KIF5C: variants seen among roughly 807,000 people sequenced by gnomAD.
KIF5C encodes kinesin heavy chain isoform 5C.
Under a neutral mutation model 125.2 loss-of-function variants are expected in KIF5C, and 18 were observed. The ratio of observed to expected loss-of-function variants is 0.14; its 90% CI spans 0.10 to 0.21. The LOEUF (loss-of-function observed/expected upper bound fraction) is 0.21. Among genes scored for constraint, KIF5C ranks in the 10% least tolerant of loss-of-function variants. The pLI, the probability that KIF5C is intolerant of heterozygous loss-of-function variation, is 1.00. For missense variants in KIF5C, 780 were observed against 1,183.8 expected (o/e 0.66, Z 5.01); for synonymous variants, 405 against 434.0 (o/e 0.93, Z 0.83).
At chr2:148,987,686 G>A (rs1367796686) in intron 15 of KIF5C, among the ~76,000 whole-genome samples, 1 of 152,000 alleles carries the variant, frequency 6.6e-6, no homozygotes, top group Non-Finnish European at 1.5e-5. Context: ...CATTCGGGGG[G>A]TTAGGATTTT....
chr2:148,903,986 T>C (rs1402576745), intron 1 of KIF5C, among the ~76,000 whole-genome samples: 1 of 152,184 alleles, frequency 6.6e-6, no homozygotes, highest in African/African-American at 2.4e-5. Context: ...TTTGAGCCAC[T>C]CTACTGCTAC....
At chr2:148,915,946 C>A (rs923840447) in intron 1 of KIF5C, among the ~76,000 whole-genome samples, 1 of 152,182 alleles carries the variant, frequency 6.6e-6, no homozygotes, top group Non-Finnish European at 1.5e-5. Context: ...AAAGTATTGA[C>A]CCCCCAACTC....
chr2:149,010,744 T>C (rs1419405670), intron 24 of KIF5C, among the ~76,000 whole-genome samples: 1 of 152,216 alleles, frequency 6.6e-6, no homozygotes, highest in Non-Finnish European at 1.5e-5. Flanking sequence ...GGAGCCCATA[T>C]GTAGCCAGAG....
intron 15 of KIF5C, among the ~76,000 whole-genome samples, chr2:148,989,321 T>C (rs985515879): frequency 6.7e-6 from 1 of 149,918 alleles, no homozygotes; most frequent in African/African-American, 2.4e-5. Flanking sequence ...TATGGCTGGG[T>C]AGTATTCCAT....
intron 1 of KIF5C, among the ~76,000 whole-genome samples, chr2:148,915,124 TAGTGACTTC>T (rs1270479687): frequency 2.0e-5 from 3 of 151,988 alleles, no homozygotes; most frequent in Non-Finnish European, 4.4e-5. Context: ...TAGAAAGACA[TAGTGACTTC>T]AGGACTGCTA....
At chr2:148,973,585 G>A (rs2105147155) in intron 12 of KIF5C, 74 bp downstream of exon 12, 1 of 1,487,148 alleles carries the variant, frequency 6.7e-7, no homozygotes, top group Non-Finnish European at 8.9e-7. Flanking sequence ...TCCCTATGGG[G>A]CTGATGTAGG....
chr2:148,983,810 G>A (rs988984133), intron 15 of KIF5C, 44 bp downstream of exon 15: 2 of 1,541,172 alleles, frequency 1.3e-6, no homozygotes, highest in Non-Finnish European at 1.8e-6. Flanking sequence ...CTCCTGTCAA[G>A]TTAGTAGGGT....
At chr2:148,956,509 T>A (rs1682795647) in intron 10 of KIF5C, among the ~76,000 whole-genome samples, 1 of 152,214 alleles carries the variant, frequency 6.6e-6, no homozygotes, top group Non-Finnish European at 1.5e-5. Context: ...TTAAAAAATT[T>A]GGTCCTGGTT....
intron 3 of KIF5C, among the ~76,000 whole-genome samples, chr2:148,934,111 C>G (rs556458168): frequency 3.0e-4 from 45 of 151,290 alleles, no homozygotes; most frequent in African/African-American, 1.1e-3. Context: ...TACAGACACA[C>G]CACATAACAT....
At chr2:148,983,967 T>G (rs933890265) in intron 15 of KIF5C, among the ~76,000 whole-genome samples, 3 of 152,222 alleles carry the variant, frequency 2.0e-5, no homozygotes, top group Non-Finnish European at 4.4e-5. Flanking sequence ...GAAAAAAAAT[T>G]ATCTTTCAAA....
rs554948713 is a variant in KIF5C, at chr2:148,942,127, A to T, written c.501+137A>T. 1.3e-4 allele frequency: 124 copies of T among 958,894 alleles called. No homozygotes were observed. In the South Asian group the frequency reaches 2.2e-3, roughly 17 times the overall value. 59.4% of individuals were successfully genotyped at this position (958,894 alleles called of 1,614,324 possible). A position where few individuals can be genotyped will look rare whatever the true frequency, so the allele number is the denominator to read the frequency against. On this transcript the variant is annotated intron_variant, in intron 6 of 25. Transcript: ENST00000435030. The stretch of plus-strand genomic sequence containing the variant: ...TTCAGGCTCCTTATATTTAATATTC[A>T]TCTGGTTTTAAAAATTGACATTTAC...
At chr2:148,940,651 C>T (rs1682388688) in intron 4 of KIF5C, among the ~76,000 whole-genome samples, 1 of 152,154 alleles carries the variant, frequency 6.6e-6, no homozygotes, top group South Asian at 2.1e-4. Flanking sequence ...CTGCCCACTC[C>T]CTTGTTTAGA....
intron 14 of KIF5C, among the ~76,000 whole-genome samples, chr2:148,983,322 A>G (rs1369923816): frequency 6.6e-6 from 1 of 152,214 alleles, no homozygotes; most frequent in African/African-American, 2.4e-5. Flanking sequence ...GGAAGATGCA[A>G]TTACATGTTA....
intron 8 of KIF5C, among the ~76,000 whole-genome samples, chr2:148,948,350 C>T (rs1682574078): frequency 6.9e-6 from 1 of 144,606 alleles, no homozygotes; most frequent in Non-Finnish European, 1.5e-5. Flanking sequence ...GAGGGAGACT[C>T]TGTCTCAAAA....
At chr2:149,003,926 A>G (rs1014889560) in intron 21 of KIF5C, among the ~76,000 whole-genome samples, 1 of 152,234 alleles carries the variant, frequency 6.6e-6, no homozygotes, top group African/African-American at 2.4e-5. Flanking sequence ...ACCACTGACA[A>G]GAAACAGAGA....
chr2:148,950,986 A>C (rs764392105), intron 10 of KIF5C, among the ~76,000 whole-genome samples: 8 of 152,190 alleles, frequency 5.3e-5, no homozygotes, highest in Non-Finnish European at 1.2e-4. Flanking sequence ...ATGCCAGTCA[A>C]ATGTATGGTG....
intron 10 of KIF5C, among the ~76,000 whole-genome samples, chr2:148,953,900 T>C (rs1339501007): frequency 6.6e-6 from 1 of 152,164 alleles, no homozygotes; most frequent in Admixed American, 6.5e-5. Flanking sequence ...TAAATTATAC[T>C]TTTAAGTTCT....
rs148388527 is a variant in KIF5C, at chr2:148,917,650, A to G, written c.127-4487A>G. On this transcript the variant is annotated intron_variant, in intron 1 of 25. Coordinates refer to ENST00000435030, the MANE Select transcript of KIF5C (RefSeq NM_004522.3). ...TCTGTACTTTCAGGAATGAAATCAT[A>G]TAAGTGCCTGGAACACAGAGTTACT... Among the ~76,000 whole-genome samples, 4 of 152,362 alleles carry G rather than the reference A, an allele frequency of 2.6e-5. No homozygotes were observed. The East Asian group carries it at 5.8e-4, about 22-fold the overall frequency.
At chr2:148,901,569 C>A (rs572075633) in intron 1 of KIF5C, among the ~76,000 whole-genome samples, 1 of 152,238 alleles carries the variant, frequency 6.6e-6, no homozygotes, top group Non-Finnish European at 1.5e-5. Context: ...ATATGGAAAC[C>A]GAACTAAGGA....
Sources: gnomAD v4.1 joint callset for allele counts (sites outside exome capture counted in the v4.1 genomes callset) on GRCh38, gnomAD v4.1.1 for gene constraint, MANE v1.5 for transcripts, NCBI Gene and HGNC (gene_info 2026-07-23, HGNC 2026-07-21) for gene names.